CDH12: variants seen among roughly 807,000 people sequenced by gnomAD.
The protein encoded by CDH12 is cadherin-12.
CDH12 carries 41 observed loss-of-function variants against 74.1 expected under a neutral mutation model. That is an observed-to-expected ratio of 0.55 (90% CI 0.43 to 0.72). The LOEUF (loss-of-function observed/expected upper bound fraction) is 0.72, where lower values mean the gene tolerates loss of function less well. Among genes scored for constraint, CDH12 ranks in the 30% least tolerant of loss-of-function variants. The pLI is 0.00. For synonymous variants in CDH12, 399 were observed against 355.0 expected (o/e 1.12, Z -1.39); for missense variants, 945 against 977.2 (o/e 0.97, Z 0.44).
intron 3 of CDH12, among the ~76,000 whole-genome samples, chr5:22,377,133 T>G (rs1301398476): frequency 6.6e-6 from 1 of 152,076 alleles, no homozygotes; most frequent in Non-Finnish European, 1.5e-5. Context: ...AGTGAACACG[T>G]GGGTTTCCAT....
intron 3 of CDH12, among the ~76,000 whole-genome samples, chr5:22,307,456 T>A (rs192830333): frequency 1.3e-5 from 2 of 152,194 alleles, no homozygotes; most frequent in Non-Finnish European, 2.9e-5. Context: ...ACACAATGTG[T>A]ATGGGTGCTT....
At chr5:22,683,789 C>T (rs1047992763) in intron 1 of CDH12, among the ~76,000 whole-genome samples, 3 of 152,160 alleles carry the variant, frequency 2.0e-5, no homozygotes, top group Non-Finnish European at 4.4e-5. Context: ...TCTACAAGCA[C>T]ACAGAGTTCC....
chr5:22,718,808 C>G (rs1345530567), intron 1 of CDH12, among the ~76,000 whole-genome samples: 1 of 152,152 alleles, frequency 6.6e-6, no homozygotes, highest in African/African-American at 2.4e-5. Context: ...AGGGGGCATT[C>G]CTCTGTGTAT....
chr5:22,362,249 C>A (rs998439448), intron 3 of CDH12, among the ~76,000 whole-genome samples: 2 of 152,112 alleles, frequency 1.3e-5, no homozygotes, highest in African/African-American at 4.8e-5. Context: ...AAACAAACAA[C>A]CCCATCAAAA....
chr5:22,404,048 G>A (rs899563104), intron 3 of CDH12, among the ~76,000 whole-genome samples: 1 of 152,048 alleles, frequency 6.6e-6, no homozygotes, highest in African/African-American at 2.4e-5. Context: ...TGAGGATGAA[G>A]GAGCAATTGT....
At chr5:22,147,237 G>T (rs1235365354) in intron 4 of CDH12, among the ~76,000 whole-genome samples, 3 of 152,054 alleles carry the variant, frequency 2.0e-5, no homozygotes, top group Non-Finnish European at 4.4e-5. Flanking sequence ...ATCAACAATG[G>T]CCATTTTCGT....
intron 3 of CDH12, among the ~76,000 whole-genome samples, chr5:22,366,860 G>T (rs1741054567): frequency 1.3e-5 from 2 of 152,200 alleles, no homozygotes; most frequent in South Asian, 4.1e-4. Flanking sequence ...GTATAATCTT[G>T]GTTCTAATTT....
chr5:22,480,620 A>G (rs1746350410), intron 2 of CDH12, among the ~76,000 whole-genome samples: 1 of 151,608 alleles, frequency 6.6e-6, no homozygotes. Flanking sequence ...ATTCAATTTT[A>G]TCCAATAGTG....
chr5:22,530,528 T>C (rs905172816), intron 1 of CDH12, among the ~76,000 whole-genome samples: 6 of 152,096 alleles, frequency 3.9e-5, no homozygotes, highest in African/African-American at 1.4e-4. Context: ...TAGTTTGAAC[T>C]TTAAAGTGCA....
intron 1 of CDH12, among the ~76,000 whole-genome samples, chr5:22,557,024 T>C (rs1265387253): frequency 6.6e-6 from 1 of 151,996 alleles, no homozygotes; most frequent in African/African-American, 2.4e-5. Context: ...TTCTACTAGT[T>C]CTCTCTTGGC....
intron 1 of CDH12, among the ~76,000 whole-genome samples, chr5:22,634,497 T>C (rs1009638513): frequency 2.6e-5 from 4 of 152,094 alleles, no homozygotes; most frequent in African/African-American, 9.7e-5. Context: ...GAGACAAATA[T>C]GAACATATTA....
intron 5 of CDH12, among the ~76,000 whole-genome samples, chr5:22,003,824 CAA>C (rs775995801): frequency 0.034 from 1,603 of 47,358 alleles, 22 homozygotes; most frequent in African/African-American, 0.12. Context: ...CCCGCTTCCA[CAA>C]AAAAAAAAAA....
intron 1 of CDH12, among the ~76,000 whole-genome samples, chr5:22,648,745 A>G (rs767067294): frequency 1.3e-5 from 2 of 148,420 alleles, no homozygotes; most frequent in African/African-American, 2.4e-5. Context: ...ACCATTTAAT[A>G]GATTGCTTAT....
chr5:22,617,541 T>C (rs1021747782), intron 1 of CDH12, among the ~76,000 whole-genome samples: 6 of 152,140 alleles, frequency 3.9e-5, no homozygotes, highest in Non-Finnish European at 8.8e-5. Context: ...GTCTGTCCAT[T>C]ACAAAAATGT....
At chr5:22,417,400 TA>T (rs1223101113) in intron 2 of CDH12, among the ~76,000 whole-genome samples, 2 of 152,166 alleles carry the variant, frequency 1.3e-5, no homozygotes, top group East Asian at 3.9e-4. Flanking sequence ...GAGTTGCTGA[TA>T]AAAGGATGAT....
intron 1 of CDH12, among the ~76,000 whole-genome samples, chr5:22,710,251 CTT>C (rs1001557285): frequency 6.6e-6 from 1 of 152,132 alleles, no homozygotes; most frequent in Non-Finnish European, 1.5e-5. Flanking sequence ...ACTTTGCAAA[CTT>C]TATATGTTTC....
rs1029965370 is a variant in CDH12 at position 22,292,762 on chromosome 5, A to T, written c.-332-80119T>A. Among the ~76,000 whole-genome samples the T allele has an allele frequency of 5.9e-5, 9 of 152,266 alleles. No individual in the cohort carries two copies. In the East Asian group the frequency reaches 1.4e-3, roughly 23 times the overall value. Reference sequence around the variant, plus strand: ...CAAAAAATTACAAGTGTTGCTGAGGATGTAGAAAAACAAGAATCCTAATGC... The same window carrying T: ...CAAAAAATTACAAGTGTTGCTGAGGTTGTAGAAAAACAAGAATCCTAATGC... On this transcript the variant is annotated intron_variant, in intron 3 of 14. Coordinates refer to ENST00000382254, the MANE Select transcript of CDH12 (RefSeq NM_004061.5).
intron 5 of CDH12, among the ~76,000 whole-genome samples, chr5:22,056,455 A>G (rs2150199941): frequency 6.6e-6 from 1 of 152,314 alleles, no homozygotes; most frequent in South Asian, 2.1e-4. Context: ...ACATTTTGAT[A>G]AGAGAAGGAG....
chr5:21,760,064 C>T (rs1229803096), intron 13 of CDH12, among the ~76,000 whole-genome samples: 2 of 152,082 alleles, frequency 1.3e-5, no homozygotes, highest in African/African-American at 4.8e-5. Context: ...TATATATGTA[C>T]CACATTTTCT....
Sources: allele counts gnomAD v4.1 joint callset (sites outside exome capture counted in the v4.1 genomes callset), GRCh38; gene constraint gnomAD v4.1.1; transcripts MANE v1.5; gene names NCBI Gene and HGNC (gene_info 2026-07-23, HGNC 2026-07-21).